Variants in RARB observed in about 807,000 individuals in gnomAD.
RARB encodes the protein HBV-activated protein.
In RARB, 17 loss-of-function variants were observed where a neutral mutation model predicts 51.9. The ratio of observed to expected loss-of-function variants is 0.33; its 90% confidence interval spans 0.22 to 0.49. The LOEUF (loss-of-function observed/expected upper bound fraction) is 0.49, where lower values mean the gene tolerates loss of function less well. Ranked by LOEUF, RARB falls within the 20% of genes least tolerant of loss-of-function variation. RARB has a pLI of 0.99. For missense variants in RARB, 369 were observed against 550.8 expected, an observed-to-expected ratio of 0.67 and a Z score of 3.30; for synonymous variants, 215 against 195.4, an observed-to-expected ratio of 1.10 and a Z score of -0.84.
intron 3 of RARB, among the ~76,000 whole-genome samples, chr3:25,110,227 T>C (rs940426453): frequency 1.3e-5 from 2 of 152,210 alleles, no homozygotes; most frequent in African/African-American, 4.8e-5. Flanking sequence ...TGTCAATGTG[T>C]CTTAGTTTAC....
intron 2 of RARB, among the ~76,000 whole-genome samples, chr3:24,931,480 C>G (rs1005591118): frequency 6.6e-6 from 1 of 151,996 alleles, no homozygotes; most frequent in Non-Finnish European, 1.5e-5. Flanking sequence ...CTTTACTTCC[C>G]TTTGCCCAAC....
intron 2 of RARB, among the ~76,000 whole-genome samples, chr3:25,473,903 A>G: frequency 1.3e-5 from 1 of 76,050 alleles, no homozygotes; most frequent in African/African-American, 5.5e-5. Flanking sequence ...CTATGGAGGT[A>G]TTTTCTATGT....
chr3:25,280,427 G>A (rs988477232), intron 5 of RARB, among the ~76,000 whole-genome samples: 6 of 152,084 alleles, frequency 3.9e-5, no homozygotes, highest in African/African-American at 1.4e-4. Context: ...CATAATTTGG[G>A]GTAGCATGTC....
intron 5 of RARB, among the ~76,000 whole-genome samples, chr3:25,415,951 T>TTATAAATAAAAAATGC: frequency 6.6e-6 from 1 of 152,108 alleles, no homozygotes; most frequent in Non-Finnish European, 1.5e-5. Context: ...ACATGCCAGG[T>TTATAAATAAAAAATGC]AGGGTTATAA....
intron 3 of RARB, among the ~76,000 whole-genome samples, chr3:25,106,473 G>GTTTTTGTTTTTGTTTTTGT (rs1559468602): frequency 1.8e-5 from 2 of 111,688 alleles, no homozygotes; most frequent in African/African-American, 7.4e-5. Context: ...TTTTTGTTTT[G>GTTTTTGTTTTTGTTTTTGT]TTTTTTTTTT....
intron 5 of RARB, among the ~76,000 whole-genome samples, chr3:25,376,681 G>T (rs1380465095): frequency 6.6e-6 from 1 of 152,196 alleles, no homozygotes; most frequent in African/African-American, 2.4e-5. Context: ...ATGGACACTT[G>T]AACTTTTCTC....
rs116139797 is a variant in RARB at position 25,473,405 on chromosome 3, G to A, written c.306+12064G>A. On this transcript the variant is annotated intron_variant, in intron 2 of 7. Transcript: ENST00000330688. Reference sequence around the variant, plus strand: ...AGGGGAAAAGCTGGGGTTCTGGCAGGCCGGCCCCATTAGAGCCTTGTTTCT... The same window carrying A: ...AGGGGAAAAGCTGGGGTTCTGGCAGACCGGCCCCATTAGAGCCTTGTTTCT... Among the ~76,000 whole-genome samples, 59 of 152,170 alleles carry A rather than the reference G, an allele frequency of 3.9e-4. No homozygotes were observed. In the East Asian group the frequency reaches 8.3e-3, roughly 21 times the overall value.
chr3:25,090,549 A>G (rs934805230), intron 3 of RARB, among the ~76,000 whole-genome samples: 1 of 152,158 alleles, frequency 6.6e-6, no homozygotes, highest in African/African-American at 2.4e-5. Flanking sequence ...CATTGAACAC[A>G]TTCCTGTTGT....
At chr3:25,573,268 C>T (rs1254091593) in intron 4 of RARB, among the ~76,000 whole-genome samples, 10 of 152,278 alleles carry the variant, frequency 6.6e-5, no homozygotes, top group Admixed American at 5.2e-4. Flanking sequence ...GTCTCAGCCT[C>T]GGCTTCTGGC....
At chr3:25,066,089 C>G (rs556626315) in intron 3 of RARB, among the ~76,000 whole-genome samples, 1 of 152,030 alleles carries the variant, frequency 6.6e-6, no homozygotes, top group Admixed American at 6.5e-5. Context: ...ACCCAAGATT[C>G]CCTTATTACT....
chr3:25,285,953 C>G (rs1041188088), intron 5 of RARB, among the ~76,000 whole-genome samples: 1 of 152,082 alleles, frequency 6.6e-6, no homozygotes, highest in Non-Finnish European at 1.5e-5. Flanking sequence ...AACACAAACT[C>G]AAAAAATTGT....
At chr3:24,904,973 T>A (rs1694823463) in intron 2 of RARB, among the ~76,000 whole-genome samples, 1 of 152,026 alleles carries the variant, frequency 6.6e-6, no homozygotes, top group Non-Finnish European at 1.5e-5. Context: ...TGAAAACACA[T>A]GGGCACAGGG....
chr3:25,520,215 A>C (rs1017643646), intron 3 of RARB, among the ~76,000 whole-genome samples: 1 of 152,218 alleles, frequency 6.6e-6, no homozygotes, highest in Admixed American at 6.5e-5. Context: ...ATTCACTCTT[A>C]AAATTTTCTA....
chr3:25,387,106 T>C (rs955427555), intron 5 of RARB, among the ~76,000 whole-genome samples: 3 of 152,216 alleles, frequency 2.0e-5, no homozygotes, highest in Non-Finnish European at 4.4e-5. Flanking sequence ...TCTTGAGTCA[T>C]GTGCTCAAGA....
intron 1 of RARB, among the ~76,000 whole-genome samples, chr3:24,837,300 T>C (rs1702357581): frequency 6.6e-6 from 1 of 152,238 alleles, no homozygotes; most frequent in Non-Finnish European, 1.5e-5. Flanking sequence ...AATGAATATA[T>C]AGTCTTGTCT....
intron 5 of RARB, among the ~76,000 whole-genome samples, chr3:25,203,643 T>C (rs1701454313): frequency 6.6e-6 from 1 of 152,336 alleles, no homozygotes; most frequent in East Asian, 1.9e-4. Flanking sequence ...ACAAAATCTC[T>C]CAGCATTTGC....
At chr3:25,549,131 A>G (rs1267269099) in intron 3 of RARB, among the ~76,000 whole-genome samples, 1 of 152,044 alleles carries the variant, frequency 6.6e-6, no homozygotes, top group Non-Finnish European at 1.5e-5. Context: ...CTGGTGGCCT[A>G]ACAAGCAATA....
intron 5 of RARB, among the ~76,000 whole-genome samples, chr3:25,336,378 T>C (rs1705063442): frequency 6.6e-6 from 1 of 152,230 alleles, no homozygotes; most frequent in South Asian, 2.1e-4. Context: ...ACTTACTATT[T>C]TCTAATATTT....
At chr3:25,059,462 G>C (rs140803723) in intron 2 of RARB, among the ~76,000 whole-genome samples, 14 of 151,648 alleles carry the variant, frequency 9.2e-5, no homozygotes, top group African/African-American at 3.4e-4. Flanking sequence ...CTTGGTACTT[G>C]TTTTTATTTT....
Sources: allele counts gnomAD v4.1 joint callset (sites outside exome capture counted in the v4.1 genomes callset), GRCh38; gene constraint gnomAD v4.1.1; transcripts MANE v1.5; gene names NCBI Gene and HGNC (gene_info 2026-07-23, HGNC 2026-07-21).